Variants in SAMMSON observed in about 807,000 individuals in gnomAD.
The protein encoded by SAMMSON is survival associated mitochondrial melanoma specific oncogenic non-coding RNA, also known as long intergenic non-protein coding RNA 1212.
rs114408863 is a variant in SAMMSON, at chr3:70,225,860, T to C, written n.508-23247T>C. Among the ~76,000 whole-genome samples, 128 of 152,332 alleles carry C rather than the reference T, an allele frequency of 8.4e-4. 1 individual carries two copies. Among genetic ancestry groups the C allele is most frequent in the African/African-American group, 2.7e-3 (113 of 41,578 alleles). Reference sequence around the variant, plus strand: ...TGAGCTTTGTTTAGACAAACGTTGCTAGTGGAAAGAGTTCTGGCCTCTGAG... The same window carrying C: ...TGAGCTTTGTTTAGACAAACGTTGCCAGTGGAAAGAGTTCTGGCCTCTGAG... On this transcript the variant is annotated intron_variant and non_coding_transcript_variant, in intron 4 of 9. Coordinates refer to ENST00000642114, the Ensembl canonical transcript of SAMMSON.
At chr3:70,272,729 G>A (rs1446178269) in intron 6 of SAMMSON, among the ~76,000 whole-genome samples, 2 of 152,190 alleles carry the variant, frequency 1.3e-5, no homozygotes, top group South Asian at 2.1e-4. Context: ...TTGCTGGAAT[G>A]TACAAACATT....
intron 6 of SAMMSON, among the ~76,000 whole-genome samples, chr3:70,264,496 T>C (rs1237115379): frequency 6.6e-6 from 1 of 152,202 alleles, no homozygotes. Flanking sequence ...ACCAGCATAT[T>C]CTCTCCCTGT....
chr3:70,117,841 T>G (rs569165372), intron 4 of SAMMSON, among the ~76,000 whole-genome samples: 4 of 152,352 alleles, frequency 2.6e-5, no homozygotes, highest in South Asian at 4.1e-4. Context: ...TAACAAATTC[T>G]TTCTATGAAA....
chr3:70,026,167 A>G (rs2067036381), intron 3 of SAMMSON, among the ~76,000 whole-genome samples: 1 of 152,234 alleles, frequency 6.6e-6, no homozygotes, highest in African/African-American at 2.4e-5. Flanking sequence ...AAGTTATTTT[A>G]TGAAATGAAA....
At chr3:70,285,609 T>A (rs1702153246) in intron 6 of SAMMSON, among the ~76,000 whole-genome samples, 1 of 151,540 alleles carries the variant, frequency 6.6e-6, no homozygotes, top group Non-Finnish European at 1.5e-5. Flanking sequence ...TATTTCTAGT[T>A]CTAGATCCCT....
At chr3:70,049,653 C>T (rs1343709511) in intron 3 of SAMMSON, among the ~76,000 whole-genome samples, 1 of 152,114 alleles carries the variant, frequency 6.6e-6, no homozygotes, top group Non-Finnish European at 1.5e-5. Flanking sequence ...TCACTAGCAT[C>T]ATCATCACCA....
chr3:70,317,995 C>A (rs112763918), intron 7 of SAMMSON, among the ~76,000 whole-genome samples: 14 of 151,418 alleles, frequency 9.2e-5, no homozygotes, highest in African/African-American at 2.9e-4. Flanking sequence ...ATCATTGTTC[C>A]TCTATATCTA....
intron 4 of SAMMSON, among the ~76,000 whole-genome samples, chr3:70,235,601 A>C (rs957994404): frequency 7.2e-5 from 11 of 152,104 alleles, no homozygotes; most frequent in Non-Finnish European, 1.3e-4. Flanking sequence ...GTCTTCTTTA[A>C]TGTAGAATCC....
intron 3 of SAMMSON, among the ~76,000 whole-genome samples, chr3:70,027,340 T>C (rs967822367): frequency 6.6e-6 from 1 of 152,212 alleles, no homozygotes; most frequent in Admixed American, 6.5e-5. Flanking sequence ...CTAATACCCT[T>C]GAAGACATCA....
At chr3:70,406,461 A>G (rs781628052) in intron 2 of SAMMSON, among the ~76,000 whole-genome samples, 2 of 152,196 alleles carry the variant, frequency 1.3e-5, no homozygotes, top group South Asian at 2.1e-4. Context: ...AATTTAAAAG[A>G]ATTTGATTTC....
chr3:70,389,033 T>G (rs2106756143), intron 9 of SAMMSON, among the ~76,000 whole-genome samples: 1 of 152,174 alleles, frequency 6.6e-6, no homozygotes, highest in South Asian at 2.1e-4. Flanking sequence ...AAAAAGAATC[T>G]GGCTTCCTCA....
intron 7 of SAMMSON, among the ~76,000 whole-genome samples, chr3:70,293,409 T>G (rs1449907326): frequency 6.6e-6 from 1 of 152,172 alleles, no homozygotes; most frequent in Non-Finnish European, 1.5e-5. Flanking sequence ...AAGGATACTT[T>G]GTAATATCAG....
intron 4 of SAMMSON, among the ~76,000 whole-genome samples, chr3:70,228,274 A>G (rs1030797879): frequency 1.3e-5 from 2 of 152,084 alleles, no homozygotes; most frequent in Non-Finnish European, 2.9e-5. Context: ...ATAACACTAT[A>G]TTATATATTT....
chr3:70,139,581 C>G (rs1172904846), intron 4 of SAMMSON, among the ~76,000 whole-genome samples: 1 of 152,162 alleles, frequency 6.6e-6, no homozygotes, highest in Non-Finnish European at 1.5e-5. Context: ...GCCTCTACAG[C>G]TTTGCTGGGT....
At chr3:70,244,594 ATGAAAC>A (rs570764790) in intron 4 of SAMMSON, among the ~76,000 whole-genome samples, 136 of 152,360 alleles carry the variant, frequency 8.9e-4, no homozygotes, top group African/African-American at 3.2e-3. Flanking sequence ...GGTGAATAAA[ATGAAAC>A]TGACACAAAC....
At chr3:70,290,784 C>T (rs539049205) in intron 6 of SAMMSON, among the ~76,000 whole-genome samples, 2 of 152,174 alleles carry the variant, frequency 1.3e-5, no homozygotes, top group Admixed American at 1.3e-4. Context: ...TTAAGCTTGT[C>T]GGAAAAGCGC....
chr3:70,342,586 C>T (rs1394011451), intron 7 of SAMMSON, among the ~76,000 whole-genome samples: 1 of 152,118 alleles, frequency 6.6e-6, no homozygotes, highest in Non-Finnish European at 1.5e-5. Flanking sequence ...TAATGGCTAA[C>T]TGCGAGCTAC....
At chr3:70,339,115 G>A (rs536083639) in intron 7 of SAMMSON, among the ~76,000 whole-genome samples, 3 of 152,286 alleles carry the variant, frequency 2.0e-5, no homozygotes, top group African/African-American at 7.2e-5. Context: ...ATAACCATCT[G>A]ATCTTTGAGA....
chr3:70,403,858 T>C lies in SAMMSON; in HGVS notation n.233+45534T>C, dbSNP rs142235708. 3.0e-3 allele frequency among the ~76,000 whole-genome samples: 453 copies of C among 152,314 alleles called. 5 individuals are homozygous for C. Among genetic ancestry groups the C allele is most frequent in the African/African-American group, 0.01 (426 of 41,578 alleles). On this transcript the variant is annotated intron_variant and non_coding_transcript_variant, in intron 2 of 3. Coordinates refer to the SAMMSON transcript ENST00000641053. ...TAAGTATGTATATGTGTGATACTTA[T>C]GATCCTTATGTTTGATAAAAAATCC... is the stretch of plus-strand genomic sequence containing the variant.
Sources: gnomAD v4.1 joint callset for allele counts (sites outside exome capture counted in the v4.1 genomes callset) on GRCh38, gnomAD v4.1.1 for gene constraint, MANE v1.5 for transcripts, NCBI Gene and HGNC (gene_info 2026-07-23, HGNC 2026-07-21) for gene names.